The following DOCK3 variants were observed in gnomAD, a reference collection of about 807,000 sequenced individuals.
DOCK3 encodes the protein dedicator of cytokinesis protein 3.
A neutral mutation model predicts 265.6 loss-of-function variants in DOCK3; 60 were observed. The ratio of observed to expected loss-of-function variants is 0.23; its 90% CI spans 0.18 to 0.28. The LOEUF (loss-of-function observed/expected upper bound fraction) is 0.28, where lower values mean the gene tolerates loss of function less well. DOCK3 is among the 10% of genes least tolerant of loss of function. The probability of loss-of-function intolerance (pLI) is 1.00; values close to 1 mark genes in which losing one functional copy is unlikely to be tolerated. For synonymous variants in DOCK3, 881 were observed against 938.0 expected (o/e 0.94, Z 1.11); for missense variants, 1,981 against 2,594.3 (o/e 0.76, Z 5.14).
chr3:50,869,984 T>C (rs1035772924), intron 3 of DOCK3, among the ~76,000 whole-genome samples: 10 of 152,208 alleles, frequency 6.6e-5, no homozygotes, highest in African/African-American at 2.4e-4. Flanking sequence ...TCAAAGAAGA[T>C]GCTTAATATT....
chr3:50,993,197 C>T (rs993717296), intron 5 of DOCK3, among the ~76,000 whole-genome samples: 1 of 152,172 alleles, frequency 6.6e-6, no homozygotes, highest in Non-Finnish European at 1.5e-5. Context: ...CTTGAGTGAG[C>T]TTTCATATCT....
chr3:51,233,765 G>T (rs368869053), intron 19 of DOCK3, among the ~76,000 whole-genome samples: 1 of 152,288 alleles, frequency 6.6e-6, no homozygotes, highest in African/African-American at 2.4e-5. Context: ...TACTGTAAAC[G>T]CAATTGCATT....
chr3:50,857,256 C>G (rs1313206232), intron 3 of DOCK3, among the ~76,000 whole-genome samples: 1 of 152,136 alleles, frequency 6.6e-6, no homozygotes, highest in Non-Finnish European at 1.5e-5. Flanking sequence ...GGTCGCAGCT[C>G]TTCTTTGTAC....
intron 4 of DOCK3, among the ~76,000 whole-genome samples, chr3:50,903,674 C>T (rs2049319354): frequency 6.6e-6 from 1 of 151,982 alleles, no homozygotes; most frequent in African/African-American, 2.4e-5. Flanking sequence ...ATATTGCTGG[C>T]CTCATAGAAT....
At chr3:51,046,775 A>G (rs1009839274) in intron 5 of DOCK3, among the ~76,000 whole-genome samples, 1 of 152,120 alleles carries the variant, frequency 6.6e-6, no homozygotes, top group Admixed American at 6.6e-5. Context: ...CAGAATCAGT[A>G]TTTTTCCAAG....
At chr3:50,860,409 A>G (rs2046853754) in intron 3 of DOCK3, among the ~76,000 whole-genome samples, 1 of 152,104 alleles carries the variant, frequency 6.6e-6, no homozygotes, top group African/African-American at 2.4e-5. Flanking sequence ...TTAGGCCTGG[A>G]GGACTTACCC....
chr3:50,778,491 C>T (rs1271771503), intron 1 of DOCK3, among the ~76,000 whole-genome samples, 184 bp from the exon 2 acceptor site: 1 of 152,006 alleles, frequency 6.6e-6, no homozygotes, highest in East Asian at 1.9e-4. Context: ...ATTTTATTGT[C>T]CCAAACTGCT....
chr3:51,027,955 A>T (rs1308201083), intron 5 of DOCK3, among the ~76,000 whole-genome samples: 3 of 151,882 alleles, frequency 2.0e-5, no homozygotes, highest in African/African-American at 7.3e-5. Flanking sequence ...ATATTGATAT[A>T]TGAGATTTTG....
intron 32 of DOCK3, among the ~76,000 whole-genome samples, chr3:51,323,057 A>T (rs1387024290): frequency 6.6e-6 from 1 of 152,210 alleles, no homozygotes. Flanking sequence ...AAAGAACTGC[A>T]TTACATAATG....
intron 4 of DOCK3, among the ~76,000 whole-genome samples, chr3:50,908,901 A>G (rs556688764): frequency 7.2e-5 from 11 of 152,122 alleles, no homozygotes; most frequent in African/African-American, 2.4e-4. Flanking sequence ...GTGCTGCTCT[A>G]TTGGGTGCAT....
chr3:50,743,202 G>A (rs4688701), intron 1 of DOCK3, among the ~76,000 whole-genome samples: 135,091 of 149,252 alleles, frequency 0.91, 61,322 homozygotes, highest in African/African-American at 0.95. Flanking sequence ...AGCACTAAAC[G>A]TGGAAAGGAA....
chr3:50,718,771 ATTTTTTTTTTTTTTT>A (rs373965842), intron 1 of DOCK3, among the ~76,000 whole-genome samples: 4 of 76,960 alleles, frequency 5.2e-5, no homozygotes, highest in Admixed American at 3.6e-4. Context: ...TTGTGGGTTG[ATTTTTTTTTTTTTTT>A]TTTTTTTTTT....
intron 2 of DOCK3, among the ~76,000 whole-genome samples, chr3:50,824,074 A>G (rs771667208): frequency 4.6e-5 from 7 of 152,178 alleles, no homozygotes; most frequent in Non-Finnish European, 7.3e-5. Flanking sequence ...CTGAGTGACT[A>G]AGTTTAGAAA....
Position 50,675,521 on chromosome 3 carries a change from C to T in DOCK3, c.37+221C>T, listed in dbSNP as rs2033883880. On this transcript the variant is annotated intron_variant, in intron 1 of 52. Coordinates refer to ENST00000266037, the MANE Select transcript of DOCK3 (RefSeq NM_004947.5). This position sits in a 1 kb window ranked among gnomAD's most constrained non-coding sequence, Gnocchi z 6.1. Reference sequence around the variant, plus strand: ...AGGGCGGCAGGGGGCGCTGGCGGTGCGGCCTTGGCAGGTGCGGCCCGCGGG... The same window carrying T: ...AGGGCGGCAGGGGGCGCTGGCGGTGTGGCCTTGGCAGGTGCGGCCCGCGGG... 6.6e-6 allele frequency among the ~76,000 whole-genome samples: 1 copy of T among 151,696 alleles called. No homozygotes were observed. Among genetic ancestry groups the T allele is most frequent in the South Asian group, 2.1e-4 (1 of 4,812 alleles).
At chr3:51,237,765 A>G (rs913841239) in intron 21 of DOCK3, among the ~76,000 whole-genome samples, 175 bp downstream of exon 21, 1 of 152,190 alleles carries the variant, frequency 6.6e-6, no homozygotes, top group East Asian at 1.9e-4. Context: ...CCATTTTCTG[A>G]GTGTAGGGTT....
intron 14 of DOCK3, among the ~76,000 whole-genome samples, chr3:51,217,685 G>A (rs1188746654): frequency 2.0e-5 from 3 of 152,074 alleles, no homozygotes; most frequent in East Asian, 1.9e-4. Context: ...GGGCAGGCAC[G>A]ACAAACAGGC....
At chr3:51,117,997 TA>T (rs1296642819) in intron 9 of DOCK3, among the ~76,000 whole-genome samples, 1 of 152,198 alleles carries the variant, frequency 6.6e-6, no homozygotes. Context: ...TGTTTTCTGC[TA>T]GCTTTTGAAT....
intron 7 of DOCK3, among the ~76,000 whole-genome samples, chr3:51,088,911 A>G (rs1254126901): frequency 1.3e-5 from 2 of 152,198 alleles, no homozygotes; most frequent in Non-Finnish European, 2.9e-5. Context: ...CAGCTCAGAA[A>G]GTGGTACAGT....
At chr3:51,042,298 T>C (rs1442894905) in intron 5 of DOCK3, among the ~76,000 whole-genome samples, 1 of 152,218 alleles carries the variant, frequency 6.6e-6, no homozygotes, top group South Asian at 2.1e-4. Flanking sequence ...TCAATAAATG[T>C]GATTCATGAC....
Sources: allele counts gnomAD v4.1 joint callset (sites outside exome capture counted in the v4.1 genomes callset), GRCh38; gene constraint gnomAD v4.1.1; non-coding constraint Gnocchi (gnomAD v3.1); transcripts MANE v1.5; gene names NCBI Gene and HGNC (gene_info 2026-07-23, HGNC 2026-07-21).